DGUOK: variants seen among roughly 807,000 people sequenced by gnomAD.
The protein encoded by DGUOK is deoxyguanosine kinase.
Under a neutral mutation model 36.6 loss-of-function variants are expected in DGUOK, and 30 were observed. The ratio of observed to expected loss-of-function variants is 0.82; its 90% CI spans 0.61 to 1.11. The LOEUF (loss-of-function observed/expected upper bound fraction) is 1.11. DGUOK is among the 50% of genes most tolerant of loss of function. DGUOK has a pLI of 0.00. For synonymous variants in DGUOK, 145 were observed against 126.3 expected, an observed-to-expected ratio of 1.15 and a Z score of -0.99; for missense variants, 361 against 336.4, an observed-to-expected ratio of 1.07 and a Z score of -0.57.
At chr2:73,943,776 A>G (rs1682084333) in intron 2 of DGUOK, among the ~76,000 whole-genome samples, 2 of 151,720 alleles carry the variant, frequency 1.3e-5, no homozygotes, top group African/African-American at 4.8e-5. Context: ...CAGCCTCCCA[A>G]GTAGTTGGGA....
chr2:73,929,444 A>G (rs150989430), intron 1 of DGUOK, among the ~76,000 whole-genome samples: 4,854 of 152,272 alleles, frequency 0.032, 95 homozygotes, highest in Middle Eastern at 0.058. Context: ...ATATCCAAGT[A>G]GAGGTGTTGA....
chr2:73,943,704 C>G (rs1352746495), intron 2 of DGUOK, among the ~76,000 whole-genome samples: 1 of 151,156 alleles, frequency 6.6e-6, no homozygotes, highest in Non-Finnish European at 1.5e-5. Flanking sequence ...GGCCAGAGTG[C>G]AATGGCACGA....
At chr2:73,953,084 C>A (rs575636818) in intron 4 of DGUOK, among the ~76,000 whole-genome samples, 2 of 152,168 alleles carry the variant, frequency 1.3e-5, no homozygotes, top group South Asian at 4.2e-4. Flanking sequence ...CTGGTCCAAT[C>A]CCACGAGAGT....
At chr2:73,937,352 C>G (rs1681548709) in intron 1 of DGUOK, among the ~76,000 whole-genome samples, 1 of 152,206 alleles carries the variant, frequency 6.6e-6, no homozygotes, top group Admixed American at 6.5e-5. Context: ...CGATAGAGAG[C>G]TGTCAAAAGA....
intron 1 of DGUOK, among the ~76,000 whole-genome samples, chr2:73,933,980 TG>T (rs1294818562): frequency 6.6e-6 from 1 of 152,250 alleles, no homozygotes; most frequent in African/African-American, 2.4e-5. Context: ...TGTTGGATTT[TG>T]GTAAAAGATT....
At chr2:73,943,491 C>T (rs1682059128) in intron 2 of DGUOK, among the ~76,000 whole-genome samples, 1 of 151,848 alleles carries the variant, frequency 6.6e-6, no homozygotes, top group African/African-American at 2.4e-5. Flanking sequence ...GTTTTACCAT[C>T]AATGTTATGA....
chr2:73,948,997 G>A (rs1422632110), intron 3 of DGUOK, among the ~76,000 whole-genome samples: 2 of 152,158 alleles, frequency 1.3e-5, no homozygotes, highest in Non-Finnish European at 2.9e-5. Flanking sequence ...TGTCGCCCAG[G>A]CTGGAGTGCA....
At chr2:73,940,603 A>T (rs943550187) in intron 2 of DGUOK, among the ~76,000 whole-genome samples, 3 of 152,200 alleles carry the variant, frequency 2.0e-5, no homozygotes, top group African/African-American at 7.2e-5. Flanking sequence ...TGTATTTCAA[A>T]ATACAGTCAT....
At position 73,958,704 on chromosome 2, in the gene DGUOK, C is replaced by G. The variant is rs781166440; in HGVS notation, c.808-6C>G. 9 of 1,610,646 alleles carry G rather than the reference C, an allele frequency of 5.6e-6. No homozygotes were observed. The Admixed American group carries it at 1.5e-4, about 27-fold the overall frequency. On this transcript the variant is annotated splice_polypyrimidine_tract_variant and splice_region_variant and intron_variant, in intron 6 of 6. Coordinates refer to ENST00000264093, the MANE Select transcript of DGUOK (RefSeq NM_080916.3). ...AATTAAACTTCTGATTTTCTCCTTC[C>G]CACAGGTAAACACCTTTGTAAAGAA...
intron 2 of DGUOK, 77 bp downstream of exon 2, chr2:73,939,099 T>G (rs1331771687): frequency 7.2e-6 from 7 of 968,574 alleles, no homozygotes; most frequent in Non-Finnish European, 1.2e-5. Context: ...TTACTCTCAG[T>G]GAGTAAAGTA....
At chr2:73,951,740 G>GA (rs1188536518) in intron 4 of DGUOK, among the ~76,000 whole-genome samples, 1 of 152,160 alleles carries the variant, frequency 6.6e-6, no homozygotes, top group East Asian at 1.9e-4. Flanking sequence ...TGGCAACCAG[G>GA]AAAAAAGGCC....
intron 3 of DGUOK, 151 bp downstream of exon 3, chr2:73,947,057 G>C: frequency 1.3e-6 from 1 of 783,006 alleles, no homozygotes; most frequent in Non-Finnish European, 2.1e-6. Flanking sequence ...GATTTGTCCA[G>C]AGTTGTACTT....
intron 4 of DGUOK, among the ~76,000 whole-genome samples, chr2:73,954,010 G>A (rs1019577968): frequency 2.0e-5 from 3 of 151,794 alleles, no homozygotes; most frequent in African/African-American, 4.8e-5. Context: ...GAGCCACCGC[G>A]TCTGGCCCCC....
intron 2 of DGUOK, among the ~76,000 whole-genome samples, chr2:73,943,323 ATTTTT>A (rs11306613): frequency 9.3e-4 from 133 of 142,624 alleles, no homozygotes; most frequent in South Asian, 1.3e-3. Context: ...CTACTTAAAA[ATTTTT>A]TTTTTTTTTT....
chr2:73,958,621 T>C (rs1437219239), intron 6 of DGUOK, 89 bp from the exon 7 acceptor site: 1 of 1,145,612 alleles, frequency 8.7e-7, no homozygotes, highest in African/African-American at 1.5e-5. Context: ...AAAAACCTCA[T>C]GGGCTTGGCT....
chr2:73,943,963 T>A (rs1369438520), intron 2 of DGUOK, among the ~76,000 whole-genome samples: 1 of 152,076 alleles, frequency 6.6e-6, no homozygotes. Flanking sequence ...GAGAATTTCT[T>A]AAGCTGATAC....
chr2:73,936,577 C>A (rs1289466739), intron 1 of DGUOK, among the ~76,000 whole-genome samples: 2 of 152,132 alleles, frequency 1.3e-5, no homozygotes, highest in Non-Finnish European at 2.9e-5. Context: ...GACATCAGCA[C>A]CCCAATCAGT....
chr2:73,940,288 T>C (rs993952653), intron 2 of DGUOK, among the ~76,000 whole-genome samples: 3 of 152,244 alleles, frequency 2.0e-5, no homozygotes, highest in African/African-American at 7.2e-5. Context: ...TGATGAGTCC[T>C]AGTTTGTTCA....
chr2:73,939,663 T>C (rs928103168), intron 2 of DGUOK, among the ~76,000 whole-genome samples: 2 of 152,216 alleles, frequency 1.3e-5, no homozygotes, highest in African/African-American at 4.8e-5. Context: ...AGAAGCACCA[T>C]GCCTCCTCAG....
Sources: gnomAD v4.1 joint callset for allele counts (sites outside exome capture counted in the v4.1 genomes callset) on GRCh38, gnomAD v4.1.1 for gene constraint, MANE v1.5 for transcripts, NCBI Gene and HGNC (gene_info 2026-07-23, HGNC 2026-07-21) for gene names.